The following SESN1 variants were observed in gnomAD, a reference collection of about 807,000 sequenced individuals.
The protein encoded by SESN1 is sestrin-1.
A neutral mutation model predicts 59.3 loss-of-function variants in SESN1; 30 were observed. The ratio of observed to expected loss-of-function variants is 0.51; its 90% CI spans 0.38 to 0.69. SESN1 has a LOEUF of 0.69. Ranked by LOEUF, SESN1 falls within the 30% of genes least tolerant of loss-of-function variation. The pLI, the probability that SESN1 is intolerant of heterozygous loss-of-function variation, is 0.00. For missense variants in SESN1, 566 were observed against 673.0 expected (o/e 0.84, Z 1.76); for synonymous variants, 197 against 219.9 (o/e 0.90, Z 0.92).
At chr6:109,089,564 T>C (rs1781274350) in intron 1 of SESN1, among the ~76,000 whole-genome samples, 2 of 152,272 alleles carry the variant, frequency 1.3e-5, no homozygotes, top group South Asian at 4.2e-4. Context: ...TTAGGAGCTA[T>C]TTCTACTTGG....
chr6:109,003,287 A>T (rs1005691409), intron 1 of SESN1, among the ~76,000 whole-genome samples: 2 of 150,922 alleles, frequency 1.3e-5, no homozygotes, highest in African/African-American at 4.9e-5. Flanking sequence ...TTAAATACTC[A>T]TATAATTCTA....
chr6:108,992,922 G>C (rs752674515), intron 6 of SESN1, 23 bp from the exon 7 acceptor site: 1 of 1,504,140 alleles, frequency 6.6e-7, no homozygotes, highest in Non-Finnish European at 9.2e-7. Flanking sequence ...GCCATTGAAA[G>C]GTTTTTAAAA....
In SESN1 at chr6:108,987,416, T is replaced by C; in HGVS notation, c.*128A>G. 1 of 562,768 alleles carries C rather than the reference T, an allele frequency of 1.8e-6. No individual in the cohort carries two copies. Among genetic ancestry groups the C allele is most frequent in the Non-Finnish European group, 3.2e-6 (1 of 316,190 alleles). 34.9% of individuals were successfully genotyped at this position (562,768 alleles called of 1,614,324 possible). Reference sequence around the variant, plus strand: ...TTTTCCACAGAAAAATAGCAGAAACTAAAGGAATCATGGCACAATGGATTT... The same window carrying C: ...TTTTCCACAGAAAAATAGCAGAAACCAAAGGAATCATGGCACAATGGATTT... On this transcript the variant is annotated 3_prime_UTR_variant, in exon 10 of 10. Transcript: ENST00000436639.
intron 1 of SESN1, among the ~76,000 whole-genome samples, chr6:109,022,771 T>C (rs1780033030): frequency 6.6e-6 from 1 of 152,110 alleles, no homozygotes; most frequent in South Asian, 2.1e-4. Flanking sequence ...CTTAGGTACA[T>C]GCTATCTTCA....
Position 109,093,813 on chromosome 6 carries a change from A to G in SESN1, c.261T>C (p.Phe87=). The G allele has an allele frequency of 1.2e-6, 2 of 1,613,984 alleles. No homozygotes were observed. Among genetic ancestry groups the G allele is most frequent in the Non-Finnish European group, 8.5e-7 (1 of 1,179,850 alleles). Residue 87 remains phenylalanine (F), a synonymous_variant, in exon 1 of 10, where the codon TTT becomes TTC. Coordinates refer to ENST00000436639, the MANE Select transcript of SESN1 (RefSeq NM_014454.3). The part of the protein sequence containing the change: ...PFKDVREKSE[F]ILKSIQELGI... ...TCCTTACCTGGATGCTCTTCAGAAT[A>G]AACTCACTTTTCTCTCTCACATCTT...
chr6:109,043,930 C>G (rs190972782), intron 1 of SESN1, among the ~76,000 whole-genome samples: 27 of 152,224 alleles, frequency 1.8e-4, no homozygotes, highest in African/African-American at 6.0e-4. Flanking sequence ...ATTAATACAG[C>G]ATGATATTGG....
At chr6:109,007,481 T>C (rs1779755982) in intron 1 of SESN1, among the ~76,000 whole-genome samples, 1 of 152,220 alleles carries the variant, frequency 6.6e-6, no homozygotes, top group Non-Finnish European at 1.5e-5. Flanking sequence ...ATTACTGTTG[T>C]GATTATCACA....
intron 1 of SESN1, among the ~76,000 whole-genome samples, chr6:109,082,951 T>C (rs1349254046): frequency 6.6e-6 from 1 of 152,234 alleles, no homozygotes; most frequent in Non-Finnish European, 1.5e-5. Flanking sequence ...GTTGTGCACT[T>C]ACTATGTGTT....
chr6:109,012,032 A>G (rs1779867340), intron 1 of SESN1, among the ~76,000 whole-genome samples: 1 of 152,204 alleles, frequency 6.6e-6, no homozygotes, highest in South Asian at 2.1e-4. Flanking sequence ...AGGATTTCGA[A>G]GGTAGGCCTG....
rs1316235834 is a variant in SESN1 at position 108,985,544 on chromosome 6, C to T, written c.*2000G>A. Reference sequence around the variant, plus strand: ...GCATTGAAACATTAACTTTGTATCACATGCACTTTTATTACTTTAGGTATA... The same window carrying T: ...GCATTGAAACATTAACTTTGTATCATATGCACTTTTATTACTTTAGGTATA... On this transcript the variant is annotated 3_prime_UTR_variant, in exon 10 of 10. Transcript: ENST00000436639. Among the ~76,000 whole-genome samples the T allele has an allele frequency of 6.6e-6, 1 of 152,200 alleles. No homozygotes were observed. Among genetic ancestry groups the T allele is most frequent in the Non-Finnish European group, 1.5e-5 (1 of 68,018 alleles).
chr6:109,089,237 A>G (rs896402104), intron 1 of SESN1, among the ~76,000 whole-genome samples: 5 of 152,228 alleles, frequency 3.3e-5, no homozygotes, highest in Non-Finnish European at 7.3e-5. Context: ...CTAATGAATA[A>G]CAGAAAGCAT....
rs1373994303 is a variant in SESN1, at chr6:108,986,424, T to C, written c.*1120A>G. Reference sequence around the variant, plus strand: ...AGTGAAGTCATGATTTTTTAAGAGATTGAGACAGCAAATAAAATTGGAGAA... The same window carrying C: ...AGTGAAGTCATGATTTTTTAAGAGACTGAGACAGCAAATAAAATTGGAGAA... On this transcript the variant is annotated 3_prime_UTR_variant, in exon 10 of 10. Coordinates refer to ENST00000436639, the MANE Select transcript of SESN1 (RefSeq NM_014454.3). 1 of 152,632 alleles carries C rather than the reference T, an allele frequency of 6.6e-6. No individual in the cohort carries two copies. The highest frequency in any genetic ancestry group is 1.5e-5 in the Non-Finnish European group (1 of 68,030). The allele number at this position is 152,632 out of a possible 1,614,324, so 9.5% of individuals were successfully genotyped here.
intron 1 of SESN1, among the ~76,000 whole-genome samples, chr6:109,077,409 T>G (rs1781049577): frequency 6.6e-6 from 1 of 152,220 alleles, no homozygotes; most frequent in African/African-American, 2.4e-5. Context: ...TTTCCTCATC[T>G]ATAAAAACTA....
rs555162863 is a variant in SESN1 at position 108,985,482 on chromosome 6, G to C, written c.*2062C>G. 3.3e-5 allele frequency among the ~76,000 whole-genome samples: 5 copies of C among 152,302 alleles called. No individual in the cohort carries two copies. Among genetic ancestry groups the C allele is most frequent in the African/African-American group, 1.2e-4 (5 of 41,572 alleles). On this transcript the variant is annotated 3_prime_UTR_variant, in exon 10 of 10. Coordinates refer to ENST00000436639, the MANE Select transcript of SESN1 (RefSeq NM_014454.3). Reference sequence around the variant, plus strand: ...AGAAATCCTGTGTGTTTAGTTTTGAGAAAACACTCCAACAGGAAGCACCTG... The same window carrying C: ...AGAAATCCTGTGTGTTTAGTTTTGACAAAACACTCCAACAGGAAGCACCTG...
Position 109,048,104 on chromosome 6 carries a change from T to TA in SESN1, c.279+45690dup, listed in dbSNP as rs58089773. ...AAGAATTATCAATAAAAAAATAAAT[T>TA]AAAAAAAAAAAAATCTAATGCAATA... On this transcript the variant is annotated intron_variant, in intron 1 of 9. Transcript: ENST00000436639. Among the ~76,000 whole-genome samples the TA allele has an allele frequency of 1.9e-3, 273 of 146,832 alleles. 1 individual carries two copies. The highest frequency in any genetic ancestry group is 5.1e-3 in the African/African-American group (206 of 40,020).
chr6:108,994,380 A>G, intron 6 of SESN1, 82 bp downstream of exon 6: 1 of 1,157,120 alleles, frequency 8.6e-7, no homozygotes, highest in Non-Finnish European at 1.2e-6. Flanking sequence ...ATTTAGATTG[A>G]TGCTTTAAAA....
chr6:109,003,869 C>CA (rs1276485936), intron 1 of SESN1, among the ~76,000 whole-genome samples: 1 of 152,152 alleles, frequency 6.6e-6, no homozygotes, highest in Non-Finnish European at 1.5e-5. Context: ...ACCTATTGGA[C>CA]AAAACTAAGG....
chr6:109,025,140 C>T (rs1450837580), intron 1 of SESN1, among the ~76,000 whole-genome samples: 3 of 151,900 alleles, frequency 2.0e-5, no homozygotes, highest in Non-Finnish European at 2.9e-5. Context: ...AGGGGCTAAA[C>T]GCTCAAAGCA....
rs1779613970 is a variant in SESN1, at chr6:109,001,230, C to A, written c.546+58G>T. The A allele has an allele frequency of 1.1e-5, 16 of 1,415,704 alleles. No individual in the cohort carries two copies. In the South Asian group the frequency reaches 1.6e-4, roughly 14 times the overall value. 87.7% of individuals were successfully genotyped at this position (1,415,704 alleles called of 1,614,324 possible). ...TCCCTGTGTTTAAAGCATTAACTGT[C>A]TCTTAAAGAGATTAATAAAAATAGG... On this transcript the variant is annotated intron_variant, in intron 3 of 9. Coordinates refer to ENST00000436639, the MANE Select transcript of SESN1 (RefSeq NM_014454.3).
Sources: allele counts gnomAD v4.1 joint callset (sites outside exome capture counted in the v4.1 genomes callset), GRCh38; gene constraint gnomAD v4.1.1; transcripts MANE v1.5; gene names NCBI Gene and HGNC (gene_info 2026-07-23, HGNC 2026-07-21).